The following TACR3 variants were observed in gnomAD, a reference collection of about 807,000 sequenced individuals.
The protein encoded by TACR3 is tachykinin receptor 3.
Under a neutral mutation model 35.0 loss-of-function variants are expected in TACR3, and 34 were observed. The observed-to-expected ratio is 0.97, with a 90% confidence interval of 0.74 to 1.30. The LOEUF (loss-of-function observed/expected upper bound fraction) is 1.30. Ranked by LOEUF, TACR3 falls within the 50% of genes most tolerant of loss-of-function variation. The pLI is 0.00. For synonymous variants in TACR3, 233 were observed against 221.1 expected (o/e 1.05, Z -0.48); for missense variants, 558 against 591.7 (o/e 0.94, Z 0.59).
chr4:103,608,931 A>G (rs1033031476), intron 3 of TACR3, among the ~76,000 whole-genome samples: 1 of 152,162 alleles, frequency 6.6e-6, no homozygotes, highest in Non-Finnish European at 1.5e-5. Context: ...AACATTCTGA[A>G]TAAATATTTG....
At position 103,719,850 on chromosome 4, in the gene TACR3, G is replaced by A; in HGVS notation, c.-175C>T. 2.5e-6 allele frequency: 2 copies of A among 787,336 alleles called. No homozygotes were observed. The highest frequency in any genetic ancestry group is 2.8e-5 in the Admixed American group (1 of 36,120). The allele number at this position is 787,336 out of a possible 1,614,324, so 48.8% of individuals were successfully genotyped here. A position where few individuals can be genotyped will look rare whatever the true frequency, so the allele number is the denominator to read the frequency against. On this transcript the variant is annotated 5_prime_UTR_variant, in exon 1 of 5. Coordinates refer to ENST00000304883, the MANE Select transcript of TACR3 (RefSeq NM_001059.3). ...GTTAGGGGATGCAGCTGGGGCTAAG[G>A]GGCAACAGCTGCACTTTCTCAGAGG...
intron 1 of TACR3, among the ~76,000 whole-genome samples, chr4:103,679,712 T>G (rs1487343053): frequency 2.0e-5 from 3 of 151,964 alleles, no homozygotes; most frequent in Admixed American, 2.0e-4. Context: ...GGATACAAAT[T>G]TAAATTTATG....
chr4:103,650,267 C>T (rs1331016009), intron 3 of TACR3, among the ~76,000 whole-genome samples: 1 of 151,698 alleles, frequency 6.6e-6, no homozygotes, highest in East Asian at 1.9e-4. Context: ...GCCACCACCA[C>T]TGGAACTGCA....
intron 3 of TACR3, among the ~76,000 whole-genome samples, chr4:103,616,365 A>C (rs977356026): frequency 6.6e-6 from 1 of 152,080 alleles, no homozygotes; most frequent in Non-Finnish European, 1.5e-5. Flanking sequence ...TAACATATGG[A>C]GTATATAGTA....
chr4:103,699,085 G>A (rs529478252), intron 1 of TACR3, among the ~76,000 whole-genome samples: 6 of 152,262 alleles, frequency 3.9e-5, no homozygotes, highest in African/African-American at 1.4e-4. Context: ...TGATACACAA[G>A]TCAAACCTTG....
rs565629196 is a variant in TACR3 at position 103,688,315 on chromosome 4, T to C, written c.549-29912A>G. 2.0e-4 allele frequency among the ~76,000 whole-genome samples: 30 copies of C among 152,264 alleles called. No individual in the cohort carries two copies. The South Asian group carries it at 5.4e-3, about 27-fold the overall frequency. ...AAACCCTAGAAGAAAACCTACGCATTGCCATTCAGGACACTGGCATGGGCA... is the reference window on the plus strand; with the variant it reads ...AAACCCTAGAAGAAAACCTACGCATCGCCATTCAGGACACTGGCATGGGCA... On this transcript the variant is annotated intron_variant, in intron 1 of 4. Transcript: ENST00000304883.
Position 103,719,947 on chromosome 4 carries a change from T to C in TACR3, c.-272A>G. 1 of 543,558 alleles carries C rather than the reference T, an allele frequency of 1.8e-6. No individual in the cohort carries two copies. Among genetic ancestry groups the C allele is most frequent in the Non-Finnish European group, 3.3e-6 (1 of 303,868 alleles). 33.7% of individuals were successfully genotyped at this position (543,558 alleles called of 1,614,324 possible). ...AAGGGTTATCGAGTCACATCACACG[T>C]AGGGAGGGTGCCAGCTGCCCGGCAC... On this transcript the variant is annotated 5_prime_UTR_variant, in exon 1 of 5. Coordinates refer to ENST00000304883, the MANE Select transcript of TACR3 (RefSeq NM_001059.3).
At chr4:103,607,558 A>G (rs542434745) in intron 3 of TACR3, among the ~76,000 whole-genome samples, 2 of 152,210 alleles carry the variant, frequency 1.3e-5, no homozygotes, top group Middle Eastern at 6.8e-3. Flanking sequence ...ATGTTTGGAA[A>G]GAATAGCTAT....
At chr4:103,627,703 T>TAAC (rs1724936492) in intron 3 of TACR3, among the ~76,000 whole-genome samples, 1 of 151,422 alleles carries the variant, frequency 6.6e-6, no homozygotes, top group Admixed American at 6.6e-5. Flanking sequence ...TGGGAAACTT[T>TAAC]AACACCCCAC....
chr4:103,592,369 T>A (rs1723915408), intron 3 of TACR3, among the ~76,000 whole-genome samples: 1 of 152,210 alleles, frequency 6.6e-6, no homozygotes, highest in Admixed American at 6.5e-5. Flanking sequence ...TTGGTAAGCA[T>A]AAGCCATTTC....
intron 1 of TACR3, among the ~76,000 whole-genome samples, chr4:103,697,645 C>G (rs533365616): frequency 2.6e-5 from 4 of 151,886 alleles, no homozygotes; most frequent in Admixed American, 2.0e-4. Context: ...AGGATAGTCT[C>G]GATCTCCTGA....
chr4:103,624,473 C>T, intron 3 of TACR3: 1 of 151,862 alleles, frequency 6.6e-6, no homozygotes, highest in East Asian at 1.9e-4. Context: ...AGATTAAAGA[C>T]AGGCTTGAGA....
intron 3 of TACR3, among the ~76,000 whole-genome samples, chr4:103,650,615 A>C: frequency 1.1e-5 from 1 of 92,280 alleles, no homozygotes; most frequent in Non-Finnish European, 1.9e-5. Flanking sequence ...ATATATAAAT[A>C]TATTATATAT....
chr4:103,656,305 T>C lies in TACR3; in HGVS notation c.777A>G (p.Pro259=). The change falls in exon 3 of 5, where the codon CCA becomes CCG. Residue 259 remains proline, a synonymous_variant. Coordinates refer to ENST00000304883, the MANE Select transcript of TACR3 (RefSeq NM_001059.3). ...TGTATGTAATACCCATGATGAGCAA[T>C]GGGAAACAGTACACCAGTATAATGA... The part of the protein sequence containing the change: ...IIVIILVYCF[P]LLIMGITYTI... 4 of 1,612,716 alleles carry C rather than the reference T, an allele frequency of 2.5e-6. No individual in the cohort carries two copies. Among genetic ancestry groups the C allele is most frequent in the Non-Finnish European group, 3.4e-6 (4 of 1,179,122 alleles).
chr4:103,629,511 T>G (rs563846055), intron 3 of TACR3, among the ~76,000 whole-genome samples: 9 of 151,746 alleles, frequency 5.9e-5, no homozygotes, highest in African/African-American at 1.7e-4. Flanking sequence ...CAAACAGAGA[T>G]CCAAATCATG....
chr4:103,627,614 C>A (rs1481525592), intron 3 of TACR3, among the ~76,000 whole-genome samples: 1 of 152,052 alleles, frequency 6.6e-6, no homozygotes, highest in Non-Finnish European at 1.5e-5. Context: ...TATATATGCA[C>A]CCAATACAGG....
chr4:103,641,910 A>G (rs955094994), intron 3 of TACR3, among the ~76,000 whole-genome samples: 2 of 151,804 alleles, frequency 1.3e-5, no homozygotes, highest in African/African-American at 4.8e-5. Context: ...ACTTACATGC[A>G]TAATCTAAAA....
At chr4:103,595,007 C>T (rs1578217173) in intron 3 of TACR3, among the ~76,000 whole-genome samples, 2 of 152,172 alleles carry the variant, frequency 1.3e-5, no homozygotes, top group Admixed American at 6.6e-5. Context: ...TGAATGCAAA[C>T]GTAGGCTCTT....
chr4:103,656,868 C>A (rs867658246), intron 2 of TACR3, among the ~76,000 whole-genome samples: 29 of 152,094 alleles, frequency 1.9e-4, no homozygotes, highest in Middle Eastern at 3.4e-3. Flanking sequence ...CAAGTTACTA[C>A]AATTTTTAAA....
Sources: gnomAD v4.1 joint callset for allele counts (sites outside exome capture counted in the v4.1 genomes callset) on GRCh38, gnomAD v4.1.1 for gene constraint, MANE v1.5 for transcripts, NCBI Gene and HGNC (gene_info 2026-07-23, HGNC 2026-07-21) for gene names.